AK5: variants seen among roughly 807,000 people sequenced by gnomAD.
AK5 encodes adenylate kinase 5.
Under a neutral mutation model 69.5 loss-of-function variants are expected in AK5, and 27 were observed. The observed-to-expected ratio is 0.39, with a 90% CI of 0.29 to 0.54. The LOEUF is 0.54. AK5 is among the 20% of genes least tolerant of loss of function. The pLI is 0.71. For missense variants in AK5, 531 were observed against 700.4 expected, an observed-to-expected ratio of 0.76 and a Z score of 2.73; for synonymous variants, 260 against 244.4, an observed-to-expected ratio of 1.06 and a Z score of -0.60.
chr1:77,318,155 G>C (rs1344597245), intron 5 of AK5, among the ~76,000 whole-genome samples: 1 of 152,164 alleles, frequency 6.6e-6, no homozygotes, highest in Admixed American at 6.5e-5. Flanking sequence ...GTGGCTCACA[G>C]TTCCACAGGC....
At chr1:77,535,791 C>T in intron 12 of AK5, 56 bp from the exon 13 acceptor site, 2 of 1,533,642 alleles carry the variant, frequency 1.3e-6, no homozygotes, top group African/African-American at 1.4e-5. Flanking sequence ...TGGGCCTTTC[C>T]AGAACATCAG....
At chr1:77,320,604 C>A (rs1383722996) in intron 5 of AK5, among the ~76,000 whole-genome samples, 1 of 151,876 alleles carries the variant, frequency 6.6e-6, no homozygotes, top group African/African-American at 2.4e-5. Flanking sequence ...CAAAAATTAG[C>A]CAGGTATGGT....
At chr1:77,297,049 G>A (rs1659047838) in intron 3 of AK5, among the ~76,000 whole-genome samples, 2 of 152,154 alleles carry the variant, frequency 1.3e-5, no homozygotes, top group African/African-American at 4.8e-5. Context: ...TATAAGGCAA[G>A]GACAGGCATG....
At chr1:77,343,156 G>A (rs571208525) in intron 6 of AK5, among the ~76,000 whole-genome samples, 2 of 152,284 alleles carry the variant, frequency 1.3e-5, no homozygotes, top group Admixed American at 6.5e-5. Flanking sequence ...TGTGCAGGGT[G>A]TCCTCACATA....
At chr1:77,302,301 A>G (rs1659385850) in intron 5 of AK5, among the ~76,000 whole-genome samples, 1 of 152,216 alleles carries the variant, frequency 6.6e-6, no homozygotes, top group Admixed American at 6.5e-5. Flanking sequence ...TTCCTCTCAA[A>G]AAGAGGAAAA....
chr1:77,545,768 A>G (rs991256850), intron 13 of AK5, among the ~76,000 whole-genome samples: 1 of 152,156 alleles, frequency 6.6e-6, no homozygotes, highest in Non-Finnish European at 1.5e-5. Context: ...ATCAGTTTCA[A>G]GTCTGAAGCG....
At chr1:77,484,569 C>T (rs944290939) in intron 9 of AK5, among the ~76,000 whole-genome samples, 4 of 152,168 alleles carry the variant, frequency 2.6e-5, no homozygotes, top group Non-Finnish European at 5.9e-5. Context: ...TTAGCTGTCA[C>T]TTAGCTAAGT....
intron 6 of AK5, among the ~76,000 whole-genome samples, chr1:77,392,644 AAC>A (rs1235215041): frequency 6.6e-6 from 1 of 152,174 alleles, no homozygotes; most frequent in Non-Finnish European, 1.5e-5. Flanking sequence ...GTGACTGGCA[AAC>A]ACAGAATCCA....
At chr1:77,312,557 G>T (rs1026027407) in intron 5 of AK5, among the ~76,000 whole-genome samples, 2 of 149,898 alleles carry the variant, frequency 1.3e-5, no homozygotes, top group African/African-American at 4.9e-5. Context: ...GGAGGTTGCA[G>T]TGAGGCAAGA....
intron 6 of AK5, among the ~76,000 whole-genome samples, chr1:77,407,720 G>A (rs113097836): frequency 0.081 from 12,311 of 151,970 alleles, 652 homozygotes; most frequent in African/African-American, 0.13. Context: ...TATGATTGAC[G>A]CCATCACCCG....
intron 5 of AK5, among the ~76,000 whole-genome samples, chr1:77,325,935 A>G (rs1162681017): frequency 6.6e-6 from 1 of 152,206 alleles, no homozygotes; most frequent in Non-Finnish European, 1.5e-5. Context: ...TGTTAAAGGT[A>G]CATATTAAAC....
chr1:77,301,781 C>CA (rs1228077588), intron 5 of AK5, among the ~76,000 whole-genome samples: 1 of 152,066 alleles, frequency 6.6e-6, no homozygotes, highest in Non-Finnish European at 1.5e-5. Context: ...GGCTCCTATT[C>CA]AAAAAAGGAA....
At chr1:77,436,971 A>G (rs1331903780) in intron 8 of AK5, among the ~76,000 whole-genome samples, 1 of 152,142 alleles carries the variant, frequency 6.6e-6, no homozygotes, top group African/African-American at 2.4e-5. Context: ...AATTACATAA[A>G]CAAAGATCGT....
chr1:77,529,243 T>C (rs953268719), intron 12 of AK5, among the ~76,000 whole-genome samples: 1 of 152,094 alleles, frequency 6.6e-6, no homozygotes, highest in Non-Finnish European at 1.5e-5. Context: ...GTACTTACAA[T>C]GCGCCAGAAA....
chr1:77,317,834 C>G (rs1018801445), intron 5 of AK5, among the ~76,000 whole-genome samples: 3 of 152,160 alleles, frequency 2.0e-5, no homozygotes, highest in Admixed American at 6.5e-5. Context: ...GTCCAGTCTC[C>G]CTGAGAGAAT....
intron 11 of AK5, among the ~76,000 whole-genome samples, 200 bp from the exon 12 acceptor site, chr1:77,521,627 T>C (rs939839199): frequency 6.6e-6 from 1 of 152,176 alleles, no homozygotes; most frequent in African/African-American, 2.4e-5. Flanking sequence ...TCAGAACTGA[T>C]TATAAATACC....
At chr1:77,531,884 T>G (rs1230641760) in intron 12 of AK5, among the ~76,000 whole-genome samples, 2 of 151,776 alleles carry the variant, frequency 1.3e-5, no homozygotes, top group Admixed American at 6.6e-5. Flanking sequence ...TGGCGGGGGC[T>G]GCAGGTCCCG....
At chr1:77,521,714 T>C in intron 11 of AK5, 113 bp from the exon 12 acceptor site, 1 of 719,012 alleles carries the variant, frequency 1.4e-6, no homozygotes, top group East Asian at 2.6e-5. Context: ...CTGTCTGCTG[T>C]TAACCTTACC....
chr1:77,459,551 G>GC lies in AK5; in HGVS notation c.1060-23762dup, dbSNP rs1168444124. ...CACTGATTAGAACACAGTCTGCTGGGCCCCATCCCTACAGTTTCTGATTCA... is the reference window on the plus strand; with the variant it reads ...CACTGATTAGAACACAGTCTGCTGGGCCCCCATCCCTACAGTTTCTGATTCA... On this transcript the variant is annotated intron_variant, in intron 8 of 13. Coordinates refer to ENST00000354567, the MANE Select transcript of AK5 (RefSeq NM_174858.3). 2.6e-5 allele frequency among the ~76,000 whole-genome samples: 4 copies of GC among 152,276 alleles called. No homozygotes were observed. The South Asian group carries it at 6.2e-4, about 24-fold the overall frequency.
Sources: allele counts gnomAD v4.1 joint callset (sites outside exome capture counted in the v4.1 genomes callset), GRCh38; gene constraint gnomAD v4.1.1; transcripts MANE v1.5; gene names NCBI Gene and HGNC (gene_info 2026-07-23, HGNC 2026-07-21).